Variants in GAREM1 observed in about 807,000 individuals in gnomAD.
The protein encoded by GAREM1 is GRB2 associated regulator of MAPK1 subtype 1.
In GAREM1, 26 loss-of-function variants were observed where a neutral mutation model predicts 71.3. The observed-to-expected ratio is 0.36, with a 90% CI of 0.27 to 0.51. The LOEUF is 0.51. Ranked by LOEUF, GAREM1 falls within the 20% of genes least tolerant of loss-of-function variation. The probability of loss-of-function intolerance (pLI) is 0.95; values close to 1 mark genes in which losing one functional copy is unlikely to be tolerated. For synonymous variants in GAREM1, 440 were observed against 433.2 expected (o/e 1.02, Z -0.20); for missense variants, 1,026 against 1,103.1 (o/e 0.93, Z 0.99).
chr18:32,390,045 C>A (rs2048181650), intron 2 of GAREM1, among the ~76,000 whole-genome samples: 1 of 152,074 alleles, frequency 6.6e-6, no homozygotes, highest in Non-Finnish European at 1.5e-5. Context: ...CAGGTACAAG[C>A]CTGTAGTGCC....
At chr18:32,324,887 G>A (rs573280052) in intron 2 of GAREM1, among the ~76,000 whole-genome samples, 3 of 152,286 alleles carry the variant, frequency 2.0e-5, no homozygotes, top group East Asian at 3.9e-4. Context: ...GCAAAACTAT[G>A]GAAACAGTAA....
intron 2 of GAREM1, among the ~76,000 whole-genome samples, chr18:32,377,852 C>T (rs547357383): frequency 1.3e-5 from 2 of 152,188 alleles, no homozygotes; most frequent in Non-Finnish European, 1.5e-5. Flanking sequence ...CGTGAGCCAC[C>T]GGGCCTGGCC....
chr18:32,301,899 A>G (rs2047205734), intron 3 of GAREM1, among the ~76,000 whole-genome samples: 2 of 152,234 alleles, frequency 1.3e-5, no homozygotes, highest in African/African-American at 4.8e-5. Context: ...ATAAGATATA[A>G]AAAGGTACAT....
intron 1 of GAREM1, 102 bp from the exon 2 acceptor site, chr18:32,393,137 T>G (rs2048219200): frequency 8.7e-7 from 1 of 1,150,874 alleles, no homozygotes; most frequent in Admixed American, 2.3e-5. Flanking sequence ...AATGCAGAAG[T>G]TGACAGTTCA....
chr18:32,307,525 T>A (rs2047268302), intron 3 of GAREM1, among the ~76,000 whole-genome samples: 1 of 152,144 alleles, frequency 6.6e-6, no homozygotes, highest in South Asian at 2.1e-4. Flanking sequence ...TAATCCAGAC[T>A]TTTTGTTTTC....
rs2047339082 is a variant in GAREM1, at chr18:32,313,011, A to AT, written c.263-2689dup. On this transcript the variant is annotated intron_variant, in intron 2 of 5. Coordinates refer to ENST00000269209, the MANE Select transcript of GAREM1 (RefSeq NM_001242409.2). ...CAATGTAATATGATTGCTGGGCAGC[A>AT]TTTTTTAAGTTCTTACTTGAGGTTC... Among the ~76,000 whole-genome samples, 7 of 152,312 alleles carry AT rather than the reference A, an allele frequency of 4.6e-5. No individual in the cohort carries two copies. The South Asian group carries it at 1.4e-3, about 32-fold the overall frequency.
At chr18:32,395,514 T>A (rs2048244423) in intron 1 of GAREM1, among the ~76,000 whole-genome samples, 1 of 152,258 alleles carries the variant, frequency 6.6e-6, no homozygotes, top group Non-Finnish European at 1.5e-5. Flanking sequence ...ACACATTTAT[T>A]TTTAACAAGT....
chr18:32,316,710 T>C (rs2047380848), intron 2 of GAREM1, among the ~76,000 whole-genome samples: 1 of 152,184 alleles, frequency 6.6e-6, no homozygotes, highest in South Asian at 2.1e-4. Context: ...CCTCCCAAAG[T>C]GTGCTGGGAT....
intron 2 of GAREM1, among the ~76,000 whole-genome samples, chr18:32,375,030 A>G (rs1410612683): frequency 6.6e-6 from 1 of 152,204 alleles, no homozygotes; most frequent in Non-Finnish European, 1.5e-5. Context: ...AAGGTTCAGG[A>G]AATTCTAGTC....
intron 1 of GAREM1, among the ~76,000 whole-genome samples, chr18:32,399,358 A>G (rs1599019887): frequency 6.6e-6 from 1 of 152,306 alleles, no homozygotes. Flanking sequence ...AGGGTATTCA[A>G]TTAGGAAAAG....
At chr18:32,316,454 T>A (rs1342107052) in intron 2 of GAREM1, among the ~76,000 whole-genome samples, 1 of 152,196 alleles carries the variant, frequency 6.6e-6, no homozygotes, top group Non-Finnish European at 1.5e-5. Context: ...AATACTACCT[T>A]ACATTTCTTT....
chr18:32,340,895 TAA>T (rs960295413), intron 2 of GAREM1, among the ~76,000 whole-genome samples: 7 of 152,150 alleles, frequency 4.6e-5, no homozygotes, highest in African/African-American at 1.4e-4. Flanking sequence ...AAGACTGACG[TAA>T]AGTGTGTTAC....
intron 2 of GAREM1, among the ~76,000 whole-genome samples, chr18:32,359,174 G>A (rs538806410): frequency 2.6e-5 from 4 of 152,252 alleles, no homozygotes; most frequent in African/African-American, 9.6e-5. Flanking sequence ...TAATCAGATG[G>A]TATTAAAAGG....
At chr18:32,418,295 A>G (rs1320659046) in intron 1 of GAREM1, among the ~76,000 whole-genome samples, 3 of 152,132 alleles carry the variant, frequency 2.0e-5, no homozygotes, top group Admixed American at 6.6e-5. Flanking sequence ...TTCCGTGATG[A>G]GTCTCAGATG....
At chr18:32,303,979 AGAGG>A (rs1022188193) in intron 3 of GAREM1, among the ~76,000 whole-genome samples, 1 of 137,984 alleles carries the variant, frequency 7.2e-6, no homozygotes, top group African/African-American at 2.6e-5. Flanking sequence ...AAACAGAGAA[AGAGG>A]GAGGGAGGGG....
At chr18:32,354,703 G>A (rs1372928882) in intron 2 of GAREM1, among the ~76,000 whole-genome samples, 1 of 152,214 alleles carries the variant, frequency 6.6e-6, no homozygotes, top group East Asian at 1.9e-4. Context: ...AGGAAAAGCG[G>A]TGTGGCTGAG....
chr18:32,470,815 C>T lies in GAREM1; in HGVS notation c.-387G>A, dbSNP rs887643182. The stretch of plus-strand genomic sequence containing the variant: ...CTCCTCCTCTTACCCCTCCTTCCCT[C>T]CGCCTCGAGCGTGTGAGGAGGAGCC... On this transcript the variant is annotated 5_prime_UTR_variant, in exon 1 of 6. Coordinates refer to ENST00000269209, the MANE Select transcript of GAREM1 (RefSeq NM_001242409.2). This position sits in a 1 kb window ranked among gnomAD's most constrained non-coding sequence, Gnocchi z 4.4. Among the ~76,000 whole-genome samples, 1 of 150,438 alleles carries T rather than the reference C, an allele frequency of 6.6e-6. No individual in the cohort carries two copies. Among genetic ancestry groups the T allele is most frequent in the Non-Finnish European group, 1.5e-5 (1 of 67,372 alleles).
At chr18:32,352,628 G>C (rs1036838199) in intron 2 of GAREM1, among the ~76,000 whole-genome samples, 7 of 151,948 alleles carry the variant, frequency 4.6e-5, no homozygotes, top group African/African-American at 9.7e-5. Flanking sequence ...GGGGGTTTAG[G>C]GTAGGCCAGT....
intron 1 of GAREM1, among the ~76,000 whole-genome samples, chr18:32,398,645 T>G (rs1396318669): frequency 1.3e-5 from 2 of 152,062 alleles, no homozygotes; most frequent in Non-Finnish European, 2.9e-5. Context: ...AATAGACCAA[T>G]AACAGGCTCT....
Sources: gnomAD v4.1 joint callset for allele counts (sites outside exome capture counted in the v4.1 genomes callset) on GRCh38, gnomAD v4.1.1 for gene constraint, Gnocchi (gnomAD v3.1) non-coding constraint, MANE v1.5 for transcripts, NCBI Gene and HGNC (gene_info 2026-07-23, HGNC 2026-07-21) for gene names.